The following HDLBP variants were observed in gnomAD, a reference collection of about 807,000 sequenced individuals.
The protein encoded by HDLBP is vigilin.
A neutral mutation model predicts 137.3 loss-of-function variants in HDLBP; 30 were observed. That is an observed-to-expected ratio of 0.22 (90% confidence interval 0.16 to 0.30). HDLBP has a LOEUF of 0.30. Ranked by LOEUF, HDLBP falls within the 10% of genes least tolerant of loss-of-function variation. The pLI, the probability that HDLBP is intolerant of heterozygous loss-of-function variation, is 1.00. For missense variants in HDLBP, 1,119 were observed against 1,667.3 expected, an observed-to-expected ratio of 0.67 and a Z score of 5.73; for synonymous variants, 606 against 596.0, an observed-to-expected ratio of 1.02 and a Z score of -0.24.
At chr2:241,234,916 T>TA (rs931474267) in intron 23 of HDLBP, among the ~76,000 whole-genome samples, 3 of 152,178 alleles carry the variant, frequency 2.0e-5, no homozygotes, top group African/African-American at 7.2e-5. Flanking sequence ...GTCACTTTTT[T>TA]ATGAAAAAGA....
At chr2:241,235,428 G>A in intron 22 of HDLBP, 62 bp downstream of exon 22, 5 of 1,459,052 alleles carry the variant, frequency 3.4e-6, no homozygotes, top group Non-Finnish European at 4.8e-6. Context: ...AAGGACACTG[G>A]CACTCGGGAG....
chr2:241,274,929 C>G (rs934419412), intron 1 of HDLBP, among the ~76,000 whole-genome samples: 2 of 152,022 alleles, frequency 1.3e-5, no homozygotes, highest in East Asian at 3.8e-4. Context: ...AGAAGAGATA[C>G]CCTCCTATTC....
At position 241,230,104 on chromosome 2, in the gene HDLBP, G is replaced by A. The variant is rs766041749; in HGVS notation, c.3591+49C>T. 83 of 1,587,618 alleles carry A rather than the reference G, an allele frequency of 5.2e-5. No homozygotes were observed. Among genetic ancestry groups the A allele is most frequent in the Non-Finnish European group, 6.1e-5 (71 of 1,156,922 alleles). Reference sequence around the variant, plus strand: ...GAAGCTCCTGGCTGGGCCTCAGGCCGGTGGACGTGCCAGGGCGCCTCAGGG... The same window carrying A: ...GAAGCTCCTGGCTGGGCCTCAGGCCAGTGGACGTGCCAGGGCGCCTCAGGG... On this transcript the variant is annotated intron_variant, in intron 26 of 27. Coordinates refer to ENST00000310931, the MANE Select transcript of HDLBP (RefSeq NM_005336.6). This position sits in a 1 kb window ranked among gnomAD's most constrained non-coding sequence, Gnocchi z 5.0.
chr2:241,310,862 C>G (rs2075737187), intron 1 of HDLBP, among the ~76,000 whole-genome samples: 1 of 152,204 alleles, frequency 6.6e-6, no homozygotes. Flanking sequence ...AGCCTTCACT[C>G]CCAGCACTTC....
At chr2:241,301,125 CG>C (rs1169878965) in intron 1 of HDLBP, among the ~76,000 whole-genome samples, 1 of 150,624 alleles carries the variant, frequency 6.6e-6, no homozygotes, top group Non-Finnish European at 1.5e-5. Flanking sequence ...TACAGGCGCC[CG>C]CCACCAGGCC....
rs1479262805 is a variant in HDLBP at position 241,240,842 on chromosome 2, GCTGCT to G, written c.2170-725_2170-721del. Reference sequence around the variant, plus strand: ...CCCACGCAGGGGCCCCGAGAAGGGCGCTGCTCCACGGGACTCAGGTCCACACGGGG... The same window carrying G: ...CCCACGCAGGGGCCCCGAGAAGGGCGCCACGGGACTCAGGTCCACACGGGG... On this transcript the variant is annotated intron_variant, in intron 17 of 27. Coordinates refer to ENST00000310931, the MANE Select transcript of HDLBP (RefSeq NM_005336.6). The surrounding 1 kb of genome is among the most constrained non-coding windows in gnomAD (Gnocchi z 5.5). 3.3e-5 allele frequency among the ~76,000 whole-genome samples: 5 copies of G among 152,256 alleles called. No individual in the cohort carries two copies. In the East Asian group the frequency reaches 9.6e-4, roughly 29 times the overall value.
chr2:241,293,066 C>T (rs2075059119), intron 1 of HDLBP, among the ~76,000 whole-genome samples: 1 of 152,118 alleles, frequency 6.6e-6, no homozygotes, highest in South Asian at 2.1e-4. Context: ...TTATCAACGT[C>T]TACAGAGCAC....
intron 1 of HDLBP, among the ~76,000 whole-genome samples, chr2:241,296,485 G>C (rs1039542228): frequency 6.6e-6 from 1 of 152,180 alleles, no homozygotes; most frequent in African/African-American, 2.4e-5. Flanking sequence ...GGAAGATATT[G>C]ATTTATTTGA....
chr2:241,299,894 G>T (rs962272421), intron 1 of HDLBP, among the ~76,000 whole-genome samples: 1 of 143,552 alleles, frequency 7.0e-6, no homozygotes, highest in East Asian at 2.1e-4. Context: ...CAGCCTGGGG[G>T]ACAGAGCGAG....
In HDLBP at chr2:241,228,838, A is replaced by T. The variant is rs999449036; in HGVS notation, c.*763T>A. ...GCCCTACCTCCCCCAACCTGTGCGC[A>T]TCTCAATCACAGCAGACACTGTGAC... On this transcript the variant is annotated 3_prime_UTR_variant, in exon 28 of 28. Transcript: ENST00000310931. 1.3e-5 allele frequency: 2 copies of T among 152,846 alleles called. No homozygotes were observed. Among genetic ancestry groups the T allele is most frequent in the Non-Finnish European group, 2.9e-5 (2 of 68,264 alleles). 9.5% of individuals were successfully genotyped at this position (152,846 alleles called of 1,614,324 possible).
rs566799658 is a variant in HDLBP at position 241,254,578 on chromosome 2, G to A, written c.1188+473C>T. 1.2e-4 allele frequency among the ~76,000 whole-genome samples: 18 copies of A among 151,024 alleles called. 1 individual carries two copies. Among genetic ancestry groups the A allele is most frequent in the East Asian group, 5.9e-4 (3 of 5,120 alleles). ...CGGCTCACTGCAAGCTCCACCTCCC[G>A]GGTTCACGCCATTCTCCTGCCTCAG... is the stretch of plus-strand genomic sequence containing the variant. On this transcript the variant is annotated intron_variant, in intron 9 of 27. Transcript: ENST00000310931.
intron 1 of HDLBP, among the ~76,000 whole-genome samples, chr2:241,312,651 T>G (rs1208018875): frequency 6.6e-6 from 1 of 152,220 alleles, no homozygotes; most frequent in Non-Finnish European, 1.5e-5. Context: ...TGGTTACTTC[T>G]TACCAAAAGA....
chr2:241,258,256 C>A lies in HDLBP; in HGVS notation c.451-1450G>T, dbSNP rs183739778. Among the ~76,000 whole-genome samples, 223 of 143,440 alleles carry A rather than the reference C, an allele frequency of 1.6e-3. 6 individuals are homozygous for A. The East Asian group carries it at 0.041, about 26-fold the overall frequency. 94.1% of individuals were successfully genotyped at this position (143,440 alleles called of 152,430 possible). On this transcript the variant is annotated intron_variant, in intron 5 of 27. Transcript: ENST00000310931. Reference sequence around the variant, plus strand: ...CAGCTACTCGGGAGGCTGAGGCAGGCGAATGGCGTGAACCCGGGAGGCGGA... The same window carrying A: ...CAGCTACTCGGGAGGCTGAGGCAGGAGAATGGCGTGAACCCGGGAGGCGGA...
chr2:241,253,003 G>A lies in HDLBP; in HGVS notation c.1326C>T (p.Ile442=), dbSNP rs534502171. ...INRMDYVEIN[I]DHKFHRHLIG... ...TGAGGTGCCTGTGGAACTTGTGGTC[G>A]ATGTTGATCTCCACATAGTCCATCC... The change falls in exon 11 of 28, where the codon ATC becomes ATT. Residue 442 remains isoleucine (I), a synonymous_variant. Transcript: ENST00000310931. 122 of 1,609,026 alleles carry A rather than the reference G, an allele frequency of 7.6e-5. 2 individuals carry two copies. In the Middle Eastern group the frequency reaches 9.9e-4, roughly 13 times the overall value.
intron 1 of HDLBP, among the ~76,000 whole-genome samples, chr2:241,308,765 A>C (rs1254434901): frequency 6.6e-6 from 1 of 152,200 alleles, no homozygotes; most frequent in Non-Finnish European, 1.5e-5. Flanking sequence ...TGTGATAACA[A>C]CAATACTTGC....
rs1268206509 is a variant in HDLBP, at chr2:241,272,436, G to A, written c.-102-3895C>T. ...GTGCCCCACCGAAGCCCCGGGAGGA[G>A]GCGGGGGAGCCCAGCTTGCAGCCAA... On this transcript the variant is annotated intron_variant, in intron 1 of 27. Transcript: ENST00000310931. This position sits in a 1 kb window ranked among gnomAD's most constrained non-coding sequence, Gnocchi z 5.6. The A allele has an allele frequency of 4.1e-6, 4 of 984,516 alleles. No homozygotes were observed. The highest frequency in any genetic ancestry group is 4.8e-6 in the Non-Finnish European group (4 of 829,658). The allele number at this position is 984,516 out of a possible 1,614,324, so 61.0% of individuals were successfully genotyped here.
rs143662691 is a variant in HDLBP at position 241,259,402 on chromosome 2, C to T, written c.451-2596G>A. Among the ~76,000 whole-genome samples, 98 of 152,238 alleles carry T rather than the reference C, an allele frequency of 6.4e-4. 2 individuals carry two copies. The highest frequency in any genetic ancestry group is 6.8e-3 in the Middle Eastern group (2 of 294). ...TTGCAAGCATGTAAATGTTGAAATACTTTAAAAATTGACAGTAAATGGAAA... is the reference window on the plus strand; with the variant it reads ...TTGCAAGCATGTAAATGTTGAAATATTTTAAAAATTGACAGTAAATGGAAA... On this transcript the variant is annotated intron_variant, in intron 5 of 27. Transcript: ENST00000310931.
chr2:241,302,197 G>A (rs373099221), intron 1 of HDLBP, among the ~76,000 whole-genome samples: 1 of 152,128 alleles, frequency 6.6e-6, no homozygotes, highest in Non-Finnish European at 1.5e-5. Context: ...GTTCGAGACT[G>A]CAGTGAGCTA....
In HDLBP at chr2:241,236,781, G is replaced by A. The variant is rs762255075; in HGVS notation, c.2750-12C>T. On this transcript the variant is annotated splice_polypyrimidine_tract_variant and intron_variant, in intron 20 of 27. Transcript: ENST00000310931. Reference sequence around the variant, plus strand: ...CTCTGTACTGTGAACTAGAGAGAAAGGGGAAAAGGGACAGCTGACAGCTGC... The same window carrying A: ...CTCTGTACTGTGAACTAGAGAGAAAAGGGAAAAGGGACAGCTGACAGCTGC... 1.9e-6 allele frequency: 3 copies of A among 1,613,164 alleles called. No individual in the cohort carries two copies. Among genetic ancestry groups the A allele is most frequent in the East Asian group, 2.2e-5 (1 of 44,860 alleles).
Sources: allele counts gnomAD v4.1 joint callset (sites outside exome capture counted in the v4.1 genomes callset), GRCh38; gene constraint gnomAD v4.1.1; non-coding constraint Gnocchi (gnomAD v3.1); transcripts MANE v1.5; gene names NCBI Gene and HGNC (gene_info 2026-07-23, HGNC 2026-07-21).